Variants in SARDH observed in about 807,000 individuals in gnomAD.
The protein encoded by SARDH is sarcosine dehydrogenase, mitochondrial.
In SARDH, 95 loss-of-function variants were observed where a neutral mutation model predicts 109.1. That is an observed-to-expected ratio of 0.87 (90% CI 0.74 to 1.03). The LOEUF is 1.03. Ranked by LOEUF, SARDH falls within the 50% of genes least tolerant of loss-of-function variation. SARDH has a pLI of 0.00. For missense variants in SARDH, 1,267 were observed against 1,287.8 expected (o/e 0.98, Z 0.25); for synonymous variants, 572 against 534.8 (o/e 1.07, Z -0.96).
intron 16 of SARDH, among the ~76,000 whole-genome samples, 194 bp from the exon 17 acceptor site, chr9:133,685,480 G>A (rs763737396): frequency 9.2e-5 from 14 of 152,222 alleles, no homozygotes; most frequent in Non-Finnish European, 1.5e-4. Context: ...ACCTTCCAAC[G>A]GGGTAACGCT....
At chr9:133,668,030 G>C (rs1031320592) in intron 19 of SARDH, among the ~76,000 whole-genome samples, 1 of 152,012 alleles carries the variant, frequency 6.6e-6, no homozygotes, top group African/African-American at 2.4e-5. Flanking sequence ...AGAGCGCACT[G>C]GGTCACAGGG....
At chr9:133,678,645 G>A (rs1345816791) in intron 17 of SARDH, among the ~76,000 whole-genome samples, 3 of 152,126 alleles carry the variant, frequency 2.0e-5, no homozygotes, top group African/African-American at 7.2e-5. Flanking sequence ...AGGCCAAGGG[G>A]GAGCTGCACA....
rs368224409 is a variant in SARDH at position 133,731,293 on chromosome 9, G to A, written c.690+12C>T. 1.2e-6 allele frequency: 2 copies of A among 1,613,344 alleles called. No homozygotes were observed. The highest frequency in any genetic ancestry group is 2.7e-5 in the African/African-American group (2 of 74,902). On this transcript the variant is annotated intron_variant, in intron 4 of 20. Coordinates refer to ENST00000439388, the MANE Select transcript of SARDH (RefSeq NM_001134707.2). ...GGGAACAGGGGACCCAGAGCCAGGCGGCCATCAGTACCTGTGCTCCTCGGG... is the reference window on the plus strand; with the variant it reads ...GGGAACAGGGGACCCAGAGCCAGGCAGCCATCAGTACCTGTGCTCCTCGGG...
At chr9:133,730,327 A>T in intron 4 of SARDH, 140 bp from the exon 5 acceptor site, 2 of 1,123,102 alleles carry the variant, frequency 1.8e-6, no homozygotes, top group Non-Finnish European at 2.5e-6. Flanking sequence ...CGACACTGTC[A>T]GGGAAACCGG....
At chr9:133,730,249 C>G (rs1035143016) in intron 4 of SARDH, 62 bp from the exon 5 acceptor site, 16 of 1,591,062 alleles carry the variant, frequency 1.0e-5, no homozygotes, top group Non-Finnish European at 1.4e-5. Context: ...CTTCCCACCC[C>G]ACTCCAACCA....
chr9:133,696,079 G>T (rs925741295), intron 14 of SARDH, 144 bp downstream of exon 14: 1 of 772,592 alleles, frequency 1.3e-6, no homozygotes, highest in Non-Finnish European at 1.8e-6. Flanking sequence ...GGGCCGGACG[G>T]GGGGGAGCTC....
chr9:133,697,003 G>A lies in SARDH; in HGVS notation c.1669-642C>T, dbSNP rs541607353. Among the ~76,000 whole-genome samples, 13 of 152,200 alleles carry A rather than the reference G, an allele frequency of 8.5e-5. No homozygotes were observed. In the East Asian group the frequency reaches 2.5e-3, roughly 29 times the overall value. On this transcript the variant is annotated intron_variant, in intron 13 of 20. Transcript: ENST00000439388. Reference sequence around the variant, plus strand: ...AAGAATCGAAAAATAGGAAAAAACAGCAAAACAAAAAGTTGATGTTTTGAA... The same window carrying A: ...AAGAATCGAAAAATAGGAAAAAACAACAAAACAAAAAGTTGATGTTTTGAA...
At chr9:133,683,015 G>GCCCCTGCAC (rs996616291) in intron 17 of SARDH, among the ~76,000 whole-genome samples, 6 of 152,242 alleles carry the variant, frequency 3.9e-5, no homozygotes, top group African/African-American at 1.4e-4. Flanking sequence ...GGGAGAGGCG[G>GCCCCTGCAC]CCCCTGCACC....
chr9:133,708,251 GCT>G, intron 11 of SARDH, 34 bp downstream of exon 11: 1 of 1,594,156 alleles, frequency 6.3e-7, no homozygotes, highest in Admixed American at 1.7e-5. Flanking sequence ...CCAGACCCTC[GCT>G]GCCAGTCCCC....
intron 17 of SARDH, among the ~76,000 whole-genome samples, chr9:133,675,194 A>C (rs898282502): frequency 1.5e-4 from 23 of 152,070 alleles, no homozygotes; most frequent in African/African-American, 5.1e-4. Context: ...AAATATTTAA[A>C]AAAAAAATTA....
rs536985629 is a variant in SARDH at position 133,709,025 on chromosome 9, G to A, written c.1329-597C>T. The stretch of plus-strand genomic sequence containing the variant: ...GGGCCTCGTCTGTGGGTCAGACCAG[G>A]GACCCAAGAGGTACAGAGTCTCTGG... On this transcript the variant is annotated intron_variant, in intron 10 of 20. Coordinates refer to ENST00000439388, the MANE Select transcript of SARDH (RefSeq NM_001134707.2). The surrounding 1 kb of genome is among the most constrained non-coding windows in gnomAD (Gnocchi z 4.2). 9.2e-5 allele frequency among the ~76,000 whole-genome samples: 14 copies of A among 152,312 alleles called. No homozygotes were observed. The highest frequency in any genetic ancestry group is 3.4e-4 in the African/African-American group (14 of 41,566).
At chr9:133,690,599 A>C (rs1165088541) in intron 15 of SARDH, 72 bp from the exon 16 acceptor site, 4 of 1,533,118 alleles carry the variant, frequency 2.6e-6, no homozygotes, top group Non-Finnish European at 3.5e-6. Flanking sequence ...GGGTGGCCCA[A>C]GGGTCTCCCG....
rs1035644554 is a variant in SARDH at position 133,693,230 on chromosome 9, C to T, written c.1921+1028G>A. Among the ~76,000 whole-genome samples the T allele has an allele frequency of 6.6e-6, 1 of 152,200 alleles. No homozygotes were observed. Among genetic ancestry groups the T allele is most frequent in the Non-Finnish European group, 1.5e-5 (1 of 68,036 alleles). The stretch of plus-strand genomic sequence containing the variant: ...GTGTTTGGCTCACTGTTGGGTCCTC[C>T]GTGCCTCAAACTGAGCCTGACACAC... On this transcript the variant is annotated intron_variant, in intron 15 of 20. Coordinates refer to ENST00000439388, the MANE Select transcript of SARDH (RefSeq NM_001134707.2). This position sits in a 1 kb window ranked among gnomAD's most constrained non-coding sequence, Gnocchi z 5.6.
In SARDH at chr9:133,704,097, G is replaced by C. The variant is rs1000486819; in HGVS notation, c.1554+851C>G. Among the ~76,000 whole-genome samples, 1 of 152,118 alleles carries C rather than the reference G, an allele frequency of 6.6e-6. No homozygotes were observed. The highest frequency in any genetic ancestry group is 1.5e-5 in the Non-Finnish European group (1 of 67,990). On this transcript the variant is annotated intron_variant, in intron 12 of 20. Transcript: ENST00000439388. The surrounding 1 kb of genome is among the most constrained non-coding windows in gnomAD (Gnocchi z 4.5). ...TCCTCCCCGCAGGGTTCATGAGGAC[G>C]GCATGTCCCTAGGGGCCAGCAGGAG...
chr9:133,663,786 G>C lies in SARDH; in HGVS notation c.*103C>G. 1 of 1,508,178 alleles carries C rather than the reference G, an allele frequency of 6.6e-7. No individual in the cohort carries two copies. The highest frequency in any genetic ancestry group is 2.3e-5 in the East Asian group (1 of 44,130). 93.4% of individuals were successfully genotyped at this position (1,508,178 alleles called of 1,614,324 possible). Reference sequence around the variant, plus strand: ...GGACTAGGCCTAGGCTAAGGACAGGGAGGGCACAAGTTCTGGCTGGGTCCA... The same window carrying C: ...GGACTAGGCCTAGGCTAAGGACAGGCAGGGCACAAGTTCTGGCTGGGTCCA... On this transcript the variant is annotated 3_prime_UTR_variant, in exon 21 of 21. Transcript: ENST00000439388.
chr9:133,673,551 C>G (rs1353521082), intron 17 of SARDH, among the ~76,000 whole-genome samples: 1 of 152,338 alleles, frequency 6.6e-6, no homozygotes, highest in South Asian at 2.1e-4. Flanking sequence ...ATCACATGGC[C>G]GCCGAGGGGC....
At chr9:133,713,246 C>G in intron 8 of SARDH, 122 bp from the exon 9 acceptor site, 3 of 749,592 alleles carry the variant, frequency 4.0e-6, no homozygotes, top group Middle Eastern at 2.8e-4. Context: ...AACCCCCTCC[C>G]TCCTCTAGGC....
rs961222605 is a variant in SARDH at position 133,708,823 on chromosome 9, GA to G, written c.1329-396del. On this transcript the variant is annotated intron_variant, in intron 10 of 20. Transcript: ENST00000439388. ...TGGGAGGGATGGGCTCAGATCCCCAGAATGCTCTGGGGAGGGTCCATGTGAA... is the reference window on the plus strand; with the variant it reads ...TGGGAGGGATGGGCTCAGATCCCCAGATGCTCTGGGGAGGGTCCATGTGAA... 3.4e-3 allele frequency among the ~76,000 whole-genome samples: 520 copies of G among 152,264 alleles called. 1 individual carries two copies. Among genetic ancestry groups the G allele is most frequent in the African/African-American group, 0.012 (509 of 41,560 alleles).
chr9:133,671,621 A>G lies in SARDH; in HGVS notation c.2240T>C (p.Val747Ala), dbSNP rs1830353486. 3.1e-6 allele frequency: 5 copies of G among 1,602,282 alleles called. No homozygotes were observed. The highest frequency in any genetic ancestry group is 1.3e-5 in the African/African-American group (1 of 74,716). ...LHIPKASCVP[V>A]YRAVMAAGAK... is the part of the protein sequence containing the mutation. ...ACCCGCGGCCATCACAGCCCGGTAC[A>G]CAGGCACGCAGGACGCCTTTGGAAT... is the stretch of plus-strand genomic sequence containing the variant. Residue 747 changes from valine (V) to alanine (A), a missense_variant, in exon 18 of 21, where the codon GTG becomes GCG. Physicochemically the swap from Val to Ala is moderately conservative, Grantham distance 64. Coordinates refer to ENST00000439388, the MANE Select transcript of SARDH (RefSeq NM_001134707.2).
Sources: gnomAD v4.1 joint callset for allele counts (sites outside exome capture counted in the v4.1 genomes callset) on GRCh38, gnomAD v4.1.1 for gene constraint, Gnocchi (gnomAD v3.1) non-coding constraint, MANE v1.5 for transcripts, NCBI Gene and HGNC (gene_info 2026-07-23, HGNC 2026-07-21) for gene names.